The following KANSL1 variants were observed in gnomAD, a reference collection of about 807,000 sequenced individuals.
KANSL1 encodes the protein MLL1/MLL complex subunit KANSL1.
KANSL1 carries 22 observed loss-of-function variants against 103.6 expected under a neutral mutation model. The observed-to-expected ratio is 0.21, with a 90% CI of 0.15 to 0.30. The LOEUF is 0.30. KANSL1 is among the 10% of genes least tolerant of loss of function. The pLI is 1.00. For synonymous variants in KANSL1, 600 were observed against 527.6 expected, an observed-to-expected ratio of 1.14 and a Z score of -1.88; for missense variants, 1,337 against 1,399.8, an observed-to-expected ratio of 0.96 and a Z score of 0.72.
chr17:46,152,044 G>A (rs900713719), intron 2 of KANSL1, among the ~76,000 whole-genome samples: 1 of 152,244 alleles, frequency 6.6e-6, no homozygotes, highest in Non-Finnish European at 1.5e-5. Flanking sequence ...GGTGATTCTA[G>A]TGTATAGCAA....
chr17:46,120,331 A>G (rs2043224388), intron 2 of KANSL1, among the ~76,000 whole-genome samples: 1 of 152,254 alleles, frequency 6.6e-6, no homozygotes, highest in Non-Finnish European at 1.5e-5. Flanking sequence ...GGAACCCTGT[A>G]CAAACCTCAG....
chr17:46,082,488 G>A lies in KANSL1; in HGVS notation c.1486C>T (p.Leu496Phe). The A allele has an allele frequency of 3.7e-6, 6 of 1,612,628 alleles. No individual in the cohort carries two copies. Among genetic ancestry groups the A allele is most frequent in the Non-Finnish European group, 5.1e-6 (6 of 1,178,870 alleles). ...GTCTTCACCTCAGAACTAAGTGGAA[G>A]AAATAAGTCTGTTGTATGCTCTGGG... The part of the protein sequence containing the change: ...PPPEHTTDLF[L>F]PLSSEVKTDH... Residue 496 changes from leucine (L) to phenylalanine (F), a missense_variant, in exon 4 of 15, where the codon CTT becomes TTT. Transcript: ENST00000432791.
intron 2 of KANSL1, among the ~76,000 whole-genome samples, chr17:46,142,465 T>C (rs1819040): frequency 2.0e-5 from 3 of 151,270 alleles, no homozygotes; most frequent in Admixed American, 2.0e-4. Flanking sequence ...GAAAAAAAAA[T>C]TTTTTAATAA....
intron 2 of KANSL1, among the ~76,000 whole-genome samples, chr17:46,095,394 A>G (rs1388722009): frequency 1.3e-5 from 2 of 152,248 alleles, no homozygotes; most frequent in Non-Finnish European, 2.9e-5. Flanking sequence ...TGATGCAAAT[A>G]CACATTACCA....
chr17:46,040,117 C>CT (rs1390091266), intron 7 of KANSL1: 3 of 434,942 alleles, frequency 6.9e-6, no homozygotes, highest in Admixed American at 4.1e-5. Flanking sequence ...AACAAGACAC[C>CT]TTTTTGGTTT....
Position 46,096,311 on chromosome 17 carries a change from C to CTTTTTTT in KANSL1, c.1290-1617_1290-1611dup, listed in dbSNP as rs71138525. ...CATACTACATACCTGGCTTTTTTTTCTTTTTTTTTTTTTTTTTTTTTGAGA... is the reference window on the plus strand; with the variant it reads ...CATACTACATACCTGGCTTTTTTTTCTTTTTTTTTTTTTTTTTTTTTTTTTTTTGAGA... On this transcript the variant is annotated intron_variant, in intron 2 of 14. Coordinates refer to ENST00000432791, the MANE Select transcript of KANSL1 (RefSeq NM_015443.4). Among the ~76,000 whole-genome samples the CTTTTTTT allele has an allele frequency of 7.0e-3, 532 of 76,384 alleles. 42 individuals are homozygous for CTTTTTTT. Among genetic ancestry groups the CTTTTTTT allele is most frequent in the African/African-American group, 0.026 (472 of 17,838 alleles). 50.1% of individuals were successfully genotyped at this position (76,384 alleles called of 152,430 possible). A position where few individuals can be genotyped will look rare whatever the true frequency, so the allele number is the denominator to read the frequency against.
intron 1 of KANSL1, among the ~76,000 whole-genome samples, chr17:46,188,948 G>A (rs1008828954): frequency 2.1e-5 from 3 of 143,252 alleles, no homozygotes. Context: ...TAGGAGAATC[G>A]CTAGAACCCT....
At chr17:46,209,880 C>T (rs1470680359) in intron 1 of KANSL1, among the ~76,000 whole-genome samples, 2 of 152,178 alleles carry the variant, frequency 1.3e-5, no homozygotes, top group Non-Finnish European at 2.9e-5. Flanking sequence ...GAGTGACCTT[C>T]TCTAAATGCC....
intron 2 of KANSL1, chr17:46,148,083 A>C (rs1431775732): frequency 6.6e-6 from 1 of 152,240 alleles, no homozygotes; most frequent in Non-Finnish European, 1.5e-5. Context: ...ATGGTTTATA[A>C]AAAGTAATTA....
At chr17:46,129,580 C>T (rs2043744407) in intron 2 of KANSL1, among the ~76,000 whole-genome samples, 1 of 152,174 alleles carries the variant, frequency 6.6e-6, no homozygotes, top group Admixed American at 6.5e-5. Flanking sequence ...GTACTGGTAT[C>T]AGGAATCTGA....
At chr17:46,051,051 T>C (rs1348383378) in intron 6 of KANSL1, among the ~76,000 whole-genome samples, 1 of 152,202 alleles carries the variant, frequency 6.6e-6, no homozygotes, top group African/African-American at 2.4e-5. Flanking sequence ...CTCTGCATGC[T>C]TTCACGACCT....
At chr17:46,108,449 C>A (rs956910362) in intron 2 of KANSL1, among the ~76,000 whole-genome samples, 1 of 152,230 alleles carries the variant, frequency 6.6e-6, no homozygotes, top group Non-Finnish European at 1.5e-5. Flanking sequence ...CCAAATACCC[C>A]CTACACACCT....
intron 2 of KANSL1, among the ~76,000 whole-genome samples, chr17:46,111,082 T>C (rs2042782367): frequency 6.6e-6 from 1 of 152,372 alleles, no homozygotes; most frequent in Non-Finnish European, 1.5e-5. Flanking sequence ...ATTATTAAGT[T>C]GGAGCAGTTA....
At chr17:46,092,349 G>A (rs1390944490) in intron 3 of KANSL1, among the ~76,000 whole-genome samples, 2 of 152,218 alleles carry the variant, frequency 1.3e-5, no homozygotes, top group Non-Finnish European at 2.9e-5. Context: ...ATGAGCTGAA[G>A]AATAAAGCAT....
chr17:46,182,200 A>C (rs546986157), intron 1 of KANSL1, among the ~76,000 whole-genome samples: 1 of 152,332 alleles, frequency 6.6e-6, no homozygotes, highest in Non-Finnish European at 1.5e-5. Flanking sequence ...GTTGCCCTCA[A>C]GTGTAAGATT....
At chr17:46,131,972 C>G (rs981548221) in intron 2 of KANSL1, among the ~76,000 whole-genome samples, 1 of 152,152 alleles carries the variant, frequency 6.6e-6, no homozygotes, top group Non-Finnish European at 1.5e-5. Context: ...ACTAAAAATA[C>G]AAAAATTAAC....
chr17:46,200,038 TACAC>T lies in KANSL1; in HGVS notation c.-90+23629_-90+23632del, dbSNP rs143234563. 1.0e-3 allele frequency among the ~76,000 whole-genome samples: 153 copies of T among 147,468 alleles called. 1 individual carries two copies. Among genetic ancestry groups the T allele is most frequent in the Middle Eastern group, 3.5e-3 (1 of 288 alleles). On this transcript the variant is annotated intron_variant, in intron 1 of 14. Coordinates refer to the KANSL1 transcript ENST00000572904. ...TTTTAATAAAGTTCCTCAATGAGTT[TACAC>T]ACACACACACACACACACACACACC...
intron 2 of KANSL1, among the ~76,000 whole-genome samples, chr17:46,168,237 A>T (rs970670016): frequency 4.6e-5 from 7 of 152,278 alleles, no homozygotes; most frequent in African/African-American, 1.7e-4. Context: ...AACACTCAGA[A>T]GATCAACAAA....
At chr17:46,127,601 T>G (rs1179867924) in intron 2 of KANSL1, among the ~76,000 whole-genome samples, 3 of 151,986 alleles carry the variant, frequency 2.0e-5, no homozygotes, top group African/African-American at 7.3e-5. Flanking sequence ...TGGTAAAATT[T>G]TGCCTCTATA....
Sources: gnomAD v4.1 joint callset for allele counts (sites outside exome capture counted in the v4.1 genomes callset) on GRCh38, gnomAD v4.1.1 for gene constraint, MANE v1.5 for transcripts, NCBI Gene and HGNC (gene_info 2026-07-23, HGNC 2026-07-21) for gene names.